ULK4: variants seen among roughly 807,000 people sequenced by gnomAD.
ULK4 encodes inactive serine/threonine-protein kinase ULK4.
In ULK4, 133 loss-of-function variants were observed where a neutral mutation model predicts 160.6. That is an observed-to-expected ratio of 0.83 (90% CI 0.72 to 0.96). ULK4 has a LOEUF of 0.96. Among genes scored for constraint, ULK4 ranks in the 40% least tolerant of loss-of-function variants. The probability of loss-of-function intolerance (pLI) is 0.00; values close to 1 mark genes in which losing one functional copy is unlikely to be tolerated. For missense variants in ULK4, 1,580 were observed against 1,499.5 expected (o/e 1.05, Z -0.89); for synonymous variants, 534 against 539.8 (o/e 0.99, Z 0.15).
intron 31 of ULK4, among the ~76,000 whole-genome samples, chr3:41,571,409 CTG>C (rs1670215977): frequency 6.6e-6 from 1 of 152,208 alleles, no homozygotes; most frequent in Non-Finnish European, 1.5e-5. Flanking sequence ...TTGTATCAAA[CTG>C]TGCTATTTCA....
In ULK4 at chr3:41,859,101, T is replaced by C. The variant is rs3733048; in HGVS notation, c.1657-23130A>G. ...CAATCTTCTATCTCAGAAGAGTACA[T>C]AATCATTTTCTGGAGTCAGCACAGT... is the stretch of plus-strand genomic sequence containing the variant. On this transcript the variant is annotated intron_variant, in intron 17 of 36. Coordinates refer to ENST00000301831, the MANE Select transcript of ULK4 (RefSeq NM_017886.4). Among the ~76,000 whole-genome samples, 146 of 152,268 alleles carry C rather than the reference T, an allele frequency of 9.6e-4. 1 individual carries two copies. The East Asian group carries it at 0.024, about 25-fold the overall frequency.
intron 32 of ULK4, among the ~76,000 whole-genome samples, chr3:41,464,356 C>CA (rs34988960): frequency 6.6e-6 from 1 of 151,524 alleles, no homozygotes; most frequent in Non-Finnish European, 1.5e-5. Context: ...CTCCTGTGGC[C>CA]AAAAAAAGGC....
At chr3:41,402,121 T>A (rs1190020724) in intron 34 of ULK4, among the ~76,000 whole-genome samples, 2 of 152,214 alleles carry the variant, frequency 1.3e-5, no homozygotes, top group Admixed American at 1.3e-4. Context: ...GAAATAAAAT[T>A]GATTTTTTAC....
chr3:41,906,716 C>T (rs1048564907), intron 12 of ULK4, among the ~76,000 whole-genome samples: 3 of 152,026 alleles, frequency 2.0e-5, no homozygotes, highest in African/African-American at 4.8e-5. Context: ...TTAAAAAGGC[C>T]GGGCACGGTG....
At chr3:41,435,705 G>A (rs902539368) in intron 34 of ULK4, among the ~76,000 whole-genome samples, 1 of 152,174 alleles carries the variant, frequency 6.6e-6, no homozygotes, top group Non-Finnish European at 1.5e-5. Context: ...CCAGCACTTT[G>A]GGAGGCTGAG....
intron 16 of ULK4, among the ~76,000 whole-genome samples, chr3:41,885,684 A>G (rs905566980): frequency 6.6e-6 from 1 of 152,134 alleles, no homozygotes; most frequent in African/African-American, 2.4e-5. Context: ...ATATTTTTAA[A>G]AAGTTTTTTT....
intron 30 of ULK4, among the ~76,000 whole-genome samples, chr3:41,662,535 G>A (rs1368909027): frequency 6.6e-6 from 1 of 152,174 alleles, no homozygotes; most frequent in Non-Finnish European, 1.5e-5. Context: ...TTGTTTGCTA[G>A]TAACAACAGT....
At chr3:41,612,255 C>T (rs1240470029) in intron 31 of ULK4, among the ~76,000 whole-genome samples, 1 of 152,112 alleles carries the variant, frequency 6.6e-6, no homozygotes, top group Non-Finnish European at 1.5e-5. Flanking sequence ...ACCTAGCCTT[C>T]CCCTTCCCCA....
intron 35 of ULK4, among the ~76,000 whole-genome samples, chr3:41,257,316 C>T (rs968813433): frequency 6.6e-6 from 1 of 152,014 alleles, no homozygotes; most frequent in African/African-American, 2.4e-5. Flanking sequence ...CTTTGGAAGA[C>T]GATTTGGCAG....
intron 22 of ULK4, among the ~76,000 whole-genome samples, chr3:41,718,106 A>T (rs187185222): frequency 6.6e-6 from 1 of 152,352 alleles, no homozygotes; most frequent in Non-Finnish European, 1.5e-5. Flanking sequence ...TGGCGAATGG[A>T]AACGAACAAT....
chr3:41,339,133 T>C (rs2080627452), intron 35 of ULK4, among the ~76,000 whole-genome samples: 1 of 151,926 alleles, frequency 6.6e-6, no homozygotes. Context: ...AGCAGAAAGA[T>C]GGGGCATTCA....
chr3:41,387,736 G>C (rs539844227), intron 35 of ULK4, among the ~76,000 whole-genome samples: 5 of 152,242 alleles, frequency 3.3e-5, no homozygotes, highest in African/African-American at 7.2e-5. Context: ...GTATTCCATG[G>C]TGTATATGTG....
chr3:41,702,130 A>T (rs906104099), intron 27 of ULK4, among the ~76,000 whole-genome samples: 1 of 152,116 alleles, frequency 6.6e-6, no homozygotes, highest in African/African-American at 2.4e-5. Context: ...TAATTTTTTA[A>T]TTTTTTAATT....
intron 32 of ULK4, among the ~76,000 whole-genome samples, chr3:41,516,244 ACT>A (rs1478293849): frequency 6.6e-6 from 1 of 152,144 alleles, no homozygotes; most frequent in African/African-American, 2.4e-5. Flanking sequence ...TAATTTTTAA[ACT>A]CTTTGTGTAA....
At position 41,365,660 on chromosome 3, in the gene ULK4, C is replaced by G. The variant is rs181741402; in HGVS notation, c.3678+32419G>C. 2.6e-3 allele frequency among the ~76,000 whole-genome samples: 400 copies of G among 152,262 alleles called. 7 individuals are homozygous for G. Among genetic ancestry groups the G allele is most frequent in the African/African-American group, 9.5e-3 (395 of 41,536 alleles). On this transcript the variant is annotated intron_variant, in intron 35 of 36. Transcript: ENST00000301831. ...ACTGAGACTCAGTGAAGATAGGTTA[C>G]TTGCCCAATTATTTACCAAATAAAA...
Position 41,574,528 on chromosome 3 carries a change from C to CTTTTTTT in ULK4, c.3121-8399_3121-8398insAAAAAAA, listed in dbSNP as rs1559406622. ...TCACCTCCACTACTGCTACCAGAGTCCTCTTTTTTTTTTTTTTTTTTTTTT... is the reference window on the plus strand; with the variant it reads ...TCACCTCCACTACTGCTACCAGAGTCTTTTTTTCTCTTTTTTTTTTTTTTTTTTTTTT... On this transcript the variant is annotated intron_variant, in intron 31 of 36. Coordinates refer to ENST00000301831, the MANE Select transcript of ULK4 (RefSeq NM_017886.4). Among the ~76,000 whole-genome samples, 2 of 106,286 alleles carry CTTTTTTT rather than the reference C, an allele frequency of 1.9e-5. 1 individual carries two copies. The allele number at this position is 106,286 out of a possible 152,430, so 69.7% of individuals were successfully genotyped here. A position where few individuals can be genotyped will look rare whatever the true frequency, so the allele number is the denominator to read the frequency against.
intron 32 of ULK4, among the ~76,000 whole-genome samples, chr3:41,494,854 T>C (rs145806588): frequency 0.45 from 67,511 of 151,566 alleles, 15,864 homozygotes; most frequent in Admixed American, 0.52. Context: ...AATAAAATAC[T>C]TAGGAATCCA....
At chr3:41,872,915 G>A (rs148453656) in intron 17 of ULK4, among the ~76,000 whole-genome samples, 1,907 of 147,530 alleles carry the variant, frequency 0.013, 38 homozygotes, top group African/African-American at 0.043. Context: ...AGCAATTTGG[G>A]AGGCCAAGGC....
At chr3:41,300,837 T>TTTTATATATATA (rs1491100332) in intron 35 of ULK4, among the ~76,000 whole-genome samples, 3 of 57,868 alleles carry the variant, frequency 5.2e-5, no homozygotes, top group African/African-American at 1.4e-4. Flanking sequence ...ATTTTACAGA[T>TTTTATATATATA]TATATATATA....
Sources: gnomAD v4.1 joint callset for allele counts (sites outside exome capture counted in the v4.1 genomes callset) on GRCh38, gnomAD v4.1.1 for gene constraint, MANE v1.5 for transcripts, NCBI Gene and HGNC (gene_info 2026-07-23, HGNC 2026-07-21) for gene names.